APAF1: variants seen among roughly 807,000 people sequenced by gnomAD.
APAF1 encodes the protein apoptotic protease-activating factor 1.
APAF1 carries 91 observed loss-of-function variants against 152.4 expected under a neutral mutation model. The observed-to-expected ratio is 0.60, with a 90% confidence interval of 0.50 to 0.71. APAF1 has a LOEUF of 0.71. APAF1 is among the 30% of genes least tolerant of loss of function. APAF1 has a pLI of 0.00. For missense variants in APAF1, 1,283 were observed against 1,472.0 expected, an observed-to-expected ratio of 0.87 and a Z score of 2.10; for synonymous variants, 484 against 494.1, an observed-to-expected ratio of 0.98 and a Z score of 0.27.
chr12:98,668,506 A>T (rs1050325961), intron 10 of APAF1, among the ~76,000 whole-genome samples: 2 of 152,240 alleles, frequency 1.3e-5, no homozygotes, highest in Admixed American at 6.5e-5. Context: ...GAGGAGGCAG[A>T]CATTAAACAA....
chr12:98,676,469 A>G (rs1183745003), intron 12 of APAF1, among the ~76,000 whole-genome samples: 10 of 152,014 alleles, frequency 6.6e-5, no homozygotes, highest in Non-Finnish European at 4.4e-5. Flanking sequence ...TCGTCCTCCC[A>G]AAGTCCTGGG....
At chr12:98,719,367 T>C (rs533684737) in intron 22 of APAF1, among the ~76,000 whole-genome samples, 14 of 152,020 alleles carry the variant, frequency 9.2e-5, no homozygotes, top group Admixed American at 5.2e-4. Context: ...CTTTTCTTTT[T>C]TTTGAGACAG....
chr12:98,655,244 C>T (rs1187523949), intron 4 of APAF1, among the ~76,000 whole-genome samples: 3 of 147,592 alleles, frequency 2.0e-5, no homozygotes, highest in Non-Finnish European at 4.5e-5. Context: ...TACACAGACA[C>T]GGCAACCATC....
chr12:98,694,856 T>A (rs1261101127), intron 16 of APAF1, among the ~76,000 whole-genome samples: 1 of 151,966 alleles, frequency 6.6e-6, no homozygotes, highest in African/African-American at 2.4e-5. Flanking sequence ...TCCTATGGGT[T>A]ATCTGTTTTT....
intron 1 of APAF1, among the ~76,000 whole-genome samples, chr12:98,646,210 G>C (rs1433358598): frequency 6.6e-6 from 1 of 152,116 alleles, no homozygotes; most frequent in Non-Finnish European, 1.5e-5. Flanking sequence ...CTTAGCTATT[G>C]GACATCACCT....
chr12:98,689,206 T>C (rs2097701387), intron 16 of APAF1, among the ~76,000 whole-genome samples: 1 of 152,192 alleles, frequency 6.6e-6, no homozygotes, highest in Admixed American at 6.5e-5. Flanking sequence ...TCACCTTCCG[T>C]CATTCTGCCA....
chr12:98,653,656 C>CAAAA (rs61301412), intron 4 of APAF1, among the ~76,000 whole-genome samples: 2 of 17,532 alleles, frequency 1.1e-4, no homozygotes. Flanking sequence ...GATGCCGTCT[C>CAAAA]AAAAAAAAAA....
At chr12:98,712,474 T>C in intron 21 of APAF1, 39 bp downstream of exon 21, 1 of 1,150,814 alleles carries the variant, frequency 8.7e-7, no homozygotes, top group South Asian at 1.2e-5. Context: ...CTGTACAGAA[T>C]TAAATAAAAC....
At chr12:98,726,023 A>G (rs1355145638) in intron 25 of APAF1, among the ~76,000 whole-genome samples, 1 of 152,150 alleles carries the variant, frequency 6.6e-6, no homozygotes, top group African/African-American at 2.4e-5. Flanking sequence ...CCTGCCTGTT[A>G]AACAGTGCAG....
rs537740001 is a variant in APAF1 at position 98,696,441 on chromosome 12, C to G, written c.2305-2967C>G. 2.6e-5 allele frequency among the ~76,000 whole-genome samples: 4 copies of G among 152,308 alleles called. No individual in the cohort carries two copies. The South Asian group carries it at 8.3e-4, about 32-fold the overall frequency. On this transcript the variant is annotated intron_variant, in intron 16 of 26. Coordinates refer to ENST00000551964, the MANE Select transcript of APAF1 (RefSeq NM_181861.2). The stretch of plus-strand genomic sequence containing the variant: ...GGCATTCATCTGTTTATGAGGGATC[C>G]ACCCCCATGACCCAGACACCTCCTA...
chr12:98,714,494 A>G (rs2097731688), intron 21 of APAF1, among the ~76,000 whole-genome samples: 1 of 152,182 alleles, frequency 6.6e-6, no homozygotes, highest in Non-Finnish European at 1.5e-5. Context: ...AAGATGTCTA[A>G]ACTCTTATTT....
Position 98,683,200 on chromosome 12 carries a change from G to A in APAF1, c.2104G>A (p.Val702Ile). 6.2e-7 allele frequency: 1 copy of A among 1,613,486 alleles called. No homozygotes were observed. Residue 702 changes from valine (V) to isoleucine (I), a missense_variant, in exon 15 of 27, where the codon GTC becomes ATC. Physicochemically the swap from Val to Ile is conservative, Grantham distance 29. Transcript: ENST00000551964. ...VHTYDEHSEQ[V>I]NCCHFTNSSH... Reference sequence around the variant, plus strand: ...CACCTATGATGAGCACTCAGAGCAAGTCAATTGCTGCCATTTCACCAACAG... The same window carrying A: ...CACCTATGATGAGCACTCAGAGCAAATCAATTGCTGCCATTTCACCAACAG...
intron 12 of APAF1, among the ~76,000 whole-genome samples, chr12:98,677,040 A>T (rs532002892): frequency 1.3e-5 from 2 of 152,310 alleles, no homozygotes; most frequent in African/African-American, 4.8e-5. Context: ...TAAAAAAGAG[A>T]TGGAGAATTT....
At chr12:98,653,700 A>C (rs1466900393) in intron 4 of APAF1, among the ~76,000 whole-genome samples, 1 of 103,892 alleles carries the variant, frequency 9.6e-6, no homozygotes, top group African/African-American at 3.6e-5. Context: ...AAATATATAT[A>C]TATATATATA....
At chr12:98,682,063 T>G (rs1196997002) in intron 14 of APAF1, among the ~76,000 whole-genome samples, 1 of 149,742 alleles carries the variant, frequency 6.7e-6, no homozygotes, top group Non-Finnish European at 1.5e-5. Flanking sequence ...TTTTTTTTTT[T>G]TTTTTTTTGA....
intron 12 of APAF1, among the ~76,000 whole-genome samples, chr12:98,675,704 G>A (rs1393205484): frequency 2.0e-5 from 3 of 152,158 alleles, no homozygotes; most frequent in Non-Finnish European, 4.4e-5. Flanking sequence ...ACCATTTTAT[G>A]TAAGAGACTT....
chr12:98,657,061 G>A (rs1345600210), intron 4 of APAF1, among the ~76,000 whole-genome samples: 2 of 152,148 alleles, frequency 1.3e-5, no homozygotes, highest in African/African-American at 4.8e-5. Flanking sequence ...TTTGTCTCCT[G>A]TGAACATTTC....
Position 98,663,720 on chromosome 12 carries a change from G to T in APAF1, c.955+914G>T, listed in dbSNP as rs139960385. On this transcript the variant is annotated intron_variant, in intron 7 of 26. Coordinates refer to ENST00000551964, the MANE Select transcript of APAF1 (RefSeq NM_181861.2). ...GTCGTCCAGGCTGGAGTGCAGTGGC[G>T]TGATCTCGGCTCACTGCAACTTCTG... Among the ~76,000 whole-genome samples the T allele has an allele frequency of 1.9e-4, 29 of 151,592 alleles. No homozygotes were observed. In the East Asian group the frequency reaches 5.0e-3, roughly 26 times the overall value.
intron 16 of APAF1, among the ~76,000 whole-genome samples, chr12:98,695,366 T>TC (rs947718014): frequency 1.3e-5 from 2 of 150,404 alleles, no homozygotes; most frequent in African/African-American, 4.9e-5. Context: ...CCCCCCCTTT[T>TC]TTTTTTTTGA....
Sources: gnomAD v4.1 joint callset for allele counts (sites outside exome capture counted in the v4.1 genomes callset) on GRCh38, gnomAD v4.1.1 for gene constraint, MANE v1.5 for transcripts, NCBI Gene and HGNC (gene_info 2026-07-23, HGNC 2026-07-21) for gene names.